Variants in CCDC85B observed in about 807,000 individuals in gnomAD.
CCDC85B encodes the protein coiled-coil domain containing 85B.
Under a neutral mutation model 13.6 loss-of-function variants are expected in CCDC85B, and 8 were observed. That is an observed-to-expected ratio of 0.59 (90% CI 0.35 to 1.06). The LOEUF (loss-of-function observed/expected upper bound fraction) is 1.06. CCDC85B is among the 50% of genes least tolerant of loss of function. The probability of loss-of-function intolerance (pLI) is 0.02; values close to 1 mark genes in which losing one functional copy is unlikely to be tolerated. For synonymous variants in CCDC85B, 118 were observed against 135.9 expected, an observed-to-expected ratio of 0.87 and a Z score of 0.92; for missense variants, 217 against 285.9, an observed-to-expected ratio of 0.76 and a Z score of 1.74.
At position 65,891,372 on chromosome 11, in the gene CCDC85B, G is replaced by T. The variant is rs781336412; in HGVS notation, c.589G>T (p.Ala197Ser). ...SVGSPDQLPL[A>S]CSPDD ...GGGCAGTCCGGATCAGTTGCCCCTGGCCTGTTCCCCCGATGATTGAAGGCA... is the reference window on the plus strand; with the variant it reads ...GGGCAGTCCGGATCAGTTGCCCCTGTCCTGTTCCCCCGATGATTGAAGGCA... The change falls in exon 1 of 1, where the codon GCC (alanine) becomes TCC (serine). Residue 197 changes from alanine to serine, a missense_variant. Transcript: ENST00000312579. This position sits in a 1 kb window ranked among gnomAD's most constrained non-coding sequence, Gnocchi z 7.3. 6.3e-7 allele frequency: 1 copy of T among 1,587,412 alleles called. No individual in the cohort carries two copies. The highest frequency in any genetic ancestry group is 2.4e-5 in the East Asian group (1 of 41,736).
Position 65,891,590 on chromosome 11 carries a change from C to G in CCDC85B, c.*198C>G, listed in dbSNP as rs1860386038. ...GGGACTGAAGGCTGGAGCGGAGGGACTTGCTGGGGGTTGGATTGGGGGTAA... is the reference window on the plus strand; with the variant it reads ...GGGACTGAAGGCTGGAGCGGAGGGAGTTGCTGGGGGTTGGATTGGGGGTAA... On this transcript the variant is annotated 3_prime_UTR_variant, in exon 1 of 1. Transcript: ENST00000312579. This position sits in a 1 kb window ranked among gnomAD's most constrained non-coding sequence, Gnocchi z 7.3. 3 of 585,514 alleles carry G rather than the reference C, an allele frequency of 5.1e-6. No homozygotes were observed. The highest frequency in any genetic ancestry group is 4.1e-5 in the Admixed American group (1 of 24,404). 36.3% of individuals were successfully genotyped at this position (585,514 alleles called of 1,614,324 possible).
Position 65,891,165 on chromosome 11 carries a change from G to A in CCDC85B, c.382G>A (p.Glu128Lys), listed in dbSNP as rs1860379169. The stretch of plus-strand genomic sequence containing the variant: ...GCTGGCCGAGCTGGAGGGCCGCCAG[G>A]AGGAGCTGCTGCGGGAGAACCTAGC... ...QKLAELEGRQ[E>K]ELLRENLALK... The change falls in exon 1 of 1, where the codon GAG becomes AAG. Residue 128 changes from glutamate to lysine, a missense_variant. Physicochemically the swap from Glu to Lys is moderately conservative, Grantham distance 56. Transcript: ENST00000312579. The surrounding 1 kb of genome is among the most constrained non-coding windows in gnomAD (Gnocchi z 7.3). 3.9e-6 allele frequency: 6 copies of A among 1,551,438 alleles called. No homozygotes were observed. The highest frequency in any genetic ancestry group is 5.2e-6 in the Non-Finnish European group (6 of 1,152,402).
chr11:65,891,124 G>T lies in CCDC85B; in HGVS notation c.341G>T (p.Gly114Val). 6.4e-7 allele frequency: 1 copy of T among 1,570,642 alleles called. No individual in the cohort carries two copies. The change falls in exon 1 of 1, where the codon GGC (glycine) becomes GTC (valine). Residue 114 changes from glycine (G) to valine (V), a missense_variant. Coordinates refer to ENST00000312579, the MANE Select transcript of CCDC85B (RefSeq NM_006848.3). The surrounding 1 kb of genome is among the most constrained non-coding windows in gnomAD (Gnocchi z 7.3). ...TCCCGGGCCGTGCGCGAGGACCTGG[G>T]CGGCTGTTGGCAGAAGCTGGCCGAG... The part of the protein sequence containing the change: ...QASRAVREDL[G>V]GCWQKLAELE...
rs997190115 is a variant in CCDC85B, at chr11:65,890,884, C to A, written c.101C>A (p.Ala34Glu). The A allele has an allele frequency of 4.0e-6, 6 of 1,516,596 alleles. No individual in the cohort carries two copies. Among genetic ancestry groups the A allele is most frequent in the Non-Finnish European group, 5.3e-6 (6 of 1,138,594 alleles). The allele number at this position is 1,516,596 out of a possible 1,614,324, so 93.9% of individuals were successfully genotyped here. Residue 34 changes from alanine to glutamate, a missense_variant, in exon 1 of 1, where the codon GCG (alanine) becomes GAG (glutamate). Physicochemically the swap from Ala to Glu is moderately radical, Grantham distance 107 (BLOSUM62 -1). Transcript: ENST00000312579. The stretch of plus-strand genomic sequence containing the variant: ...CGGCGCCTGCGGCGGGAGGAGGCGG[C>A]GCGCCTGGCGGCACTGGTGCAGCGC... ...LVRRLRREEA[A>E]RLAALVQRGR...
Position 65,890,969 on chromosome 11 carries a change from G to A in CCDC85B, c.186G>A (p.Glu62=). ...AGGGCCACCTGGGCGAGATCCGCGA[G>A]CTCAAGCAGCTCAACCGGCGTCTGC... is the stretch of plus-strand genomic sequence containing the variant. ...QLQGHLGEIR[E]LKQLNRRLQA... is the part of the protein sequence containing the mutation. Residue 62 remains glutamate, a synonymous_variant, in exon 1 of 1, where the codon GAG becomes GAA. Coordinates refer to ENST00000312579, the MANE Select transcript of CCDC85B (RefSeq NM_006848.3). 6.5e-7 allele frequency: 1 copy of A among 1,532,524 alleles called. No homozygotes were observed. The highest frequency in any genetic ancestry group is 8.7e-7 in the Non-Finnish European group (1 of 1,145,958). 94.9% of individuals were successfully genotyped at this position (1,532,524 alleles called of 1,614,324 possible).
Position 65,890,686 on chromosome 11 carries a change from G to A in CCDC85B, c.-98G>A. The A allele has an allele frequency of 3.1e-6, 4 of 1,283,326 alleles. No individual in the cohort carries two copies. The highest frequency in any genetic ancestry group is 2.0e-6 in the Non-Finnish European group (2 of 1,008,900). The allele number at this position is 1,283,326 out of a possible 1,614,324, so 79.5% of individuals were successfully genotyped here. On this transcript the variant is annotated 5_prime_UTR_variant, in exon 1 of 1. In the 5' UTR this introduces an upstream ATG that the reference lacks. Coordinates refer to ENST00000312579, the MANE Select transcript of CCDC85B (RefSeq NM_006848.3). ...CGCTGCCTCGGCCACTGCCTGCCGC[G>A]TGCGGAGCCGGAGCCCGAGCCTGAG... is the stretch of plus-strand genomic sequence containing the variant.
In CCDC85B at chr11:65,890,810, G is replaced by A. The variant is rs1287203710; in HGVS notation, c.27G>A (p.Glu9=). Residue 9 remains glutamate, a synonymous_variant, in exon 1 of 1, where the codon GAG becomes GAA. Coordinates refer to ENST00000312579, the MANE Select transcript of CCDC85B (RefSeq NM_006848.3). ...TGGAGGCCGAGGCAGGCGGCCTGGAGGAGCTGACGGACGAGGAGATGGCGG... is the reference window on the plus strand; with the variant it reads ...TGGAGGCCGAGGCAGGCGGCCTGGAAGAGCTGACGGACGAGGAGATGGCGG... The part of the protein sequence containing the change: MEAEAGGL[E]ELTDEEMAAL... 2.6e-6 allele frequency: 4 copies of A among 1,513,828 alleles called. No homozygotes were observed. Among genetic ancestry groups the A allele is most frequent in the Middle Eastern group, 2.0e-4 (1 of 5,124 alleles). The allele number at this position is 1,513,828 out of a possible 1,614,324, so 93.8% of individuals were successfully genotyped here.
In CCDC85B at chr11:65,890,871, C is replaced by CGGG. The variant is rs1555047525; in HGVS notation, c.89_91dup (p.Arg30_Glu31insGly). 2 of 1,510,060 alleles carry CGGG rather than the reference C, an allele frequency of 1.3e-6. No homozygotes were observed. The highest frequency in any genetic ancestry group is 2.0e-5 in the Admixed American group (1 of 49,240). 93.5% of individuals were successfully genotyped at this position (1,510,060 alleles called of 1,614,324 possible). A position where few individuals can be genotyped will look rare whatever the true frequency, so the allele number is the denominator to read the frequency against. On this transcript the variant is annotated inframe_insertion, in exon 1 of 1. Transcript: ENST00000312579. ...GGAAGAGCTAGTGCGGCGCCTGCGG[C>CGGG]GGGAGGAGGCGGCGCGCCTGGCGGC...
chr11:65,890,849 A>G lies in CCDC85B; in HGVS notation c.66A>G (p.Glu22=). 1 of 1,523,740 alleles carries G rather than the reference A, an allele frequency of 6.6e-7. No individual in the cohort carries two copies. The highest frequency in any genetic ancestry group is 2.5e-5 in the East Asian group (1 of 39,420). 94.4% of individuals were successfully genotyped at this position (1,523,740 alleles called of 1,614,324 possible). A position where few individuals can be genotyped will look rare whatever the true frequency, so the allele number is the denominator to read the frequency against. ...TDEEMAALGK[E]ELVRRLRREE... is the part of the protein sequence containing the mutation. ...AGGAGATGGCGGCGCTAGGCAAGGA[A>G]GAGCTAGTGCGGCGCCTGCGGCGGG... Residue 22 remains glutamate, a synonymous_variant, in exon 1 of 1, where the codon GAA becomes GAG. Coordinates refer to ENST00000312579, the MANE Select transcript of CCDC85B (RefSeq NM_006848.3).
rs11544733 is a variant in CCDC85B, at chr11:65,890,734, C to T, written c.-50C>T. On this transcript the variant is annotated 5_prime_UTR_variant, in exon 1 of 1. Transcript: ENST00000312579. Reference sequence around the variant, plus strand: ...GAGTGGCGCCGGGCCCGACGTGGGGCTCCTGGGCCGCGGCGGCGGGCGGGC... The same window carrying T: ...GAGTGGCGCCGGGCCCGACGTGGGGTTCCTGGGCCGCGGCGGCGGGCGGGC... 7.3e-7 allele frequency: 1 copy of T among 1,369,172 alleles called. No homozygotes were observed. The highest frequency in any genetic ancestry group is 9.4e-7 in the Non-Finnish European group (1 of 1,068,724). The allele number at this position is 1,369,172 out of a possible 1,614,324, so 84.8% of individuals were successfully genotyped here. A position where few individuals can be genotyped will look rare whatever the true frequency, so the allele number is the denominator to read the frequency against.
rs1286411629 is a variant in CCDC85B at position 65,891,595 on chromosome 11, T to TG, written c.*208dup. On this transcript the variant is annotated 3_prime_UTR_variant, in exon 1 of 1. Transcript: ENST00000312579. The surrounding 1 kb of genome is among the most constrained non-coding windows in gnomAD (Gnocchi z 7.3). ...TGAAGGCTGGAGCGGAGGGACTTGCTGGGGGTTGGATTGGGGGTAATAAAC... is the reference window on the plus strand; with the variant it reads ...TGAAGGCTGGAGCGGAGGGACTTGCTGGGGGGTTGGATTGGGGGTAATAAAC... 1 of 568,844 alleles carries TG rather than the reference T, an allele frequency of 1.8e-6. No homozygotes were observed. The highest frequency in any genetic ancestry group is 2.9e-6 in the Non-Finnish European group (1 of 345,412). 35.2% of individuals were successfully genotyped at this position (568,844 alleles called of 1,614,324 possible).
chr11:65,890,820 G>T lies in CCDC85B; in HGVS notation c.37G>T (p.Asp13Tyr). 6.6e-7 allele frequency: 1 copy of T among 1,518,040 alleles called. No homozygotes were observed. Among genetic ancestry groups the T allele is most frequent in the Non-Finnish European group, 8.8e-7 (1 of 1,140,038 alleles). The allele number at this position is 1,518,040 out of a possible 1,614,324, so 94.0% of individuals were successfully genotyped here. The change falls in exon 1 of 1, where the codon GAC becomes TAC. Residue 13 changes from aspartate to tyrosine, a missense_variant. By Grantham distance (160) the Asp-to-Tyr change is radical. Coordinates refer to ENST00000312579, the MANE Select transcript of CCDC85B (RefSeq NM_006848.3). ...GGCAGGCGGCCTGGAGGAGCTGACG[G>T]ACGAGGAGATGGCGGCGCTAGGCAA... ...AEAGGLEELT[D>Y]EEMAALGKEE...
rs1420608035 is a variant in CCDC85B at position 65,890,781 on chromosome 11, G to C, written c.-3G>C. The C allele has an allele frequency of 1.4e-6, 2 of 1,480,040 alleles. No homozygotes were observed. The highest frequency in any genetic ancestry group is 8.9e-7 in the Non-Finnish European group (1 of 1,123,508). The allele number at this position is 1,480,040 out of a possible 1,614,324, so 91.7% of individuals were successfully genotyped here. On this transcript the variant is annotated 5_prime_UTR_variant, in exon 1 of 1. Transcript: ENST00000312579. ...GGGCGATGCTCCAGAGGCCTGACCA[G>C]CCATGGAGGCCGAGGCAGGCGGCCT...
rs369041806 is a variant in CCDC85B, at chr11:65,891,422, C to T, written c.*30C>T. 29 of 1,528,382 alleles carry T rather than the reference C, an allele frequency of 1.9e-5. No homozygotes were observed. Among genetic ancestry groups the T allele is most frequent in the Middle Eastern group, 1.7e-4 (1 of 5,768 alleles). The allele number at this position is 1,528,382 out of a possible 1,614,324, so 94.7% of individuals were successfully genotyped here. A position where few individuals can be genotyped will look rare whatever the true frequency, so the allele number is the denominator to read the frequency against. ...ACTGCTTCCTCCACGCCGACGCCCG[C>T]CCGGATTGCTCCCCGAGCCCCGGGA... On this transcript the variant is annotated 3_prime_UTR_variant, in exon 1 of 1. Transcript: ENST00000312579. The surrounding 1 kb of genome is among the most constrained non-coding windows in gnomAD (Gnocchi z 7.3).
Position 65,890,683 on chromosome 11 carries a change from C to G in CCDC85B, c.-101C>G, listed in dbSNP as rs966643299. 7 of 1,273,350 alleles carry G rather than the reference C, an allele frequency of 5.5e-6. No homozygotes were observed. The highest frequency in any genetic ancestry group is 4.4e-5 in the South Asian group (2 of 45,586). The allele number at this position is 1,273,350 out of a possible 1,614,324, so 78.9% of individuals were successfully genotyped here. On this transcript the variant is annotated 5_prime_UTR_variant, in exon 1 of 1. Coordinates refer to ENST00000312579, the MANE Select transcript of CCDC85B (RefSeq NM_006848.3). ...CTACGCTGCCTCGGCCACTGCCTGC[C>G]GCGTGCGGAGCCGGAGCCCGAGCCT...
chr11:65,890,783 C>T lies in CCDC85B; in HGVS notation c.-1C>T, dbSNP rs1422483200. On this transcript the variant is annotated 5_prime_UTR_variant, in exon 1 of 1. Transcript: ENST00000312579. ...GCGATGCTCCAGAGGCCTGACCAGC[C>T]ATGGAGGCCGAGGCAGGCGGCCTGG... 6.7e-6 allele frequency: 10 copies of T among 1,482,540 alleles called. No individual in the cohort carries two copies. Among genetic ancestry groups the T allele is most frequent in the Non-Finnish European group, 8.9e-6 (10 of 1,124,706 alleles). The allele number at this position is 1,482,540 out of a possible 1,614,324, so 91.8% of individuals were successfully genotyped here. A position where few individuals can be genotyped will look rare whatever the true frequency, so the allele number is the denominator to read the frequency against.
rs1010727914 is a variant in CCDC85B at position 65,890,817 on chromosome 11, A to G, written c.34A>G (p.Thr12Ala). 4.6e-6 allele frequency: 7 copies of G among 1,515,040 alleles called. No homozygotes were observed. Among genetic ancestry groups the G allele is most frequent in the South Asian group, 1.2e-5 (1 of 81,902 alleles). 93.8% of individuals were successfully genotyped at this position (1,515,040 alleles called of 1,614,324 possible). Residue 12 changes from threonine to alanine, a missense_variant, in exon 1 of 1, where the codon ACG (threonine) becomes GCG (alanine). By Grantham distance (58) the Thr-to-Ala change is moderately conservative (BLOSUM62 0). Coordinates refer to ENST00000312579, the MANE Select transcript of CCDC85B (RefSeq NM_006848.3). ...EAEAGGLEEL[T>A]DEEMAALGKE... ...CGAGGCAGGCGGCCTGGAGGAGCTG[A>G]CGGACGAGGAGATGGCGGCGCTAGG...
chr11:65,890,707 C>T lies in CCDC85B; in HGVS notation c.-77C>T. 7.5e-7 allele frequency: 1 copy of T among 1,339,302 alleles called. No homozygotes were observed. The highest frequency in any genetic ancestry group is 9.5e-7 in the Non-Finnish European group (1 of 1,049,320). 83.0% of individuals were successfully genotyped at this position (1,339,302 alleles called of 1,614,324 possible). A position where few individuals can be genotyped will look rare whatever the true frequency, so the allele number is the denominator to read the frequency against. On this transcript the variant is annotated 5_prime_UTR_variant, in exon 1 of 1. Coordinates refer to ENST00000312579, the MANE Select transcript of CCDC85B (RefSeq NM_006848.3). ...CCGCGTGCGGAGCCGGAGCCCGAGC[C>T]TGAGTGGCGCCGGGCCCGACGTGGG... is the stretch of plus-strand genomic sequence containing the variant.
rs973664159 is a variant in CCDC85B at position 65,890,718 on chromosome 11, C to T, written c.-66C>T. 34 of 1,349,406 alleles carry T rather than the reference C, an allele frequency of 2.5e-5. No homozygotes were observed. Among genetic ancestry groups the T allele is most frequent in the Admixed American group, 4.1e-5 (1 of 24,644 alleles). 83.6% of individuals were successfully genotyped at this position (1,349,406 alleles called of 1,614,324 possible). ...GCCGGAGCCCGAGCCTGAGTGGCGC[C>T]GGGCCCGACGTGGGGCTCCTGGGCC... On this transcript the variant is annotated 5_prime_UTR_variant, in exon 1 of 1. Transcript: ENST00000312579.
Sources: gnomAD v4.1 joint callset for allele counts on GRCh38, gnomAD v4.1.1 for gene constraint, Gnocchi (gnomAD v3.1) non-coding constraint, MANE v1.5 for transcripts, NCBI Gene and HGNC (gene_info 2026-07-23, HGNC 2026-07-21) for gene names.